ROBO2: variants seen among roughly 807,000 people sequenced by gnomAD.
ROBO2 encodes roundabout guidance receptor 2, also known as roundabout homolog 2.
A neutral mutation model predicts 160.8 loss-of-function variants in ROBO2; 53 were observed. The observed-to-expected ratio is 0.33, with a 90% CI of 0.26 to 0.41. ROBO2 has a LOEUF of 0.41. Among genes scored for constraint, ROBO2 ranks in the 10% least tolerant of loss-of-function variants. ROBO2 has a pLI of 1.00. For missense variants in ROBO2, 1,577 were observed against 1,722.4 expected, an observed-to-expected ratio of 0.92 and a Z score of 1.49; for synonymous variants, 664 against 611.7, an observed-to-expected ratio of 1.09 and a Z score of -1.26.
At chr3:76,434,530 G>A (rs927028514) in intron 2 of ROBO2, 73 of 1,575,040 alleles carry the variant, frequency 4.6e-5, no homozygotes, top group Non-Finnish European at 5.8e-5. Context: ...TGGATAAGAA[G>A]CATGTAGACT....
chr3:77,429,935 T>C (rs1407627025), intron 2 of ROBO2, among the ~76,000 whole-genome samples: 2 of 151,944 alleles, frequency 1.3e-5, no homozygotes, highest in Non-Finnish European at 2.9e-5. Flanking sequence ...AGCCTAAGAG[T>C]GGGAGCCCCT....
chr3:77,339,903 T>TTTTTTTTGTTG (rs1247033629), intron 2 of ROBO2, among the ~76,000 whole-genome samples: 8 of 152,144 alleles, frequency 5.3e-5, no homozygotes, highest in Non-Finnish European at 7.4e-5. Flanking sequence ...TTCTACCAGA[T>TTTTTTTTGTTG]AGCTACTTTT....
chr3:77,611,167 G>A (rs768028170), intron 21 of ROBO2, among the ~76,000 whole-genome samples: 8 of 152,000 alleles, frequency 5.3e-5, no homozygotes, highest in Admixed American at 2.0e-4. Flanking sequence ...GCGAGGTGGC[G>A]GCCGCCTGTA....
rs144113609 is a variant in ROBO2 at position 76,136,766 on chromosome 3, C to G, written c.109+199164C>G. Among the ~76,000 whole-genome samples, 4 of 151,986 alleles carry G rather than the reference C, an allele frequency of 2.6e-5. No individual in the cohort carries two copies. The East Asian group carries it at 7.7e-4, about 29-fold the overall frequency. ...GAGGTTGTAAAAACAACAGCTAAAT[C>G]AAAGAATGAATTTAGTGTCAAAATA... is the stretch of plus-strand genomic sequence containing the variant. On this transcript the variant is annotated intron_variant, in intron 2 of 26. Coordinates refer to the ROBO2 transcript ENST00000487694.
chr3:77,600,394 T>A (rs2094406702), intron 19 of ROBO2, among the ~76,000 whole-genome samples: 1 of 152,240 alleles, frequency 6.6e-6, no homozygotes, highest in African/African-American at 2.4e-5. Flanking sequence ...AGGCTGACTA[T>A]AATTTTATCT....
intron 2 of ROBO2, among the ~76,000 whole-genome samples, chr3:76,013,181 T>A (rs2066258674): frequency 6.9e-6 from 1 of 144,594 alleles, no homozygotes; most frequent in South Asian, 2.2e-4. Context: ...ATGCGTGTAA[T>A]CCCAGAAGTA....
intron 2 of ROBO2, among the ~76,000 whole-genome samples, chr3:76,188,298 G>A (rs1225004118): frequency 1.3e-5 from 2 of 151,988 alleles, no homozygotes; most frequent in Non-Finnish European, 2.9e-5. Flanking sequence ...ATGACTTAGG[G>A]CTTTTTAAGA....
chr3:77,303,820 C>A (rs899351918), intron 2 of ROBO2, among the ~76,000 whole-genome samples: 1 of 151,674 alleles, frequency 6.6e-6, no homozygotes, highest in Non-Finnish European at 1.5e-5. Flanking sequence ...TATATATATG[C>A]AAGTGCTAGG....
chr3:75,911,909 G>T (rs551115768), intron 1 of ROBO2, among the ~76,000 whole-genome samples: 1 of 152,250 alleles, frequency 6.6e-6, no homozygotes, highest in South Asian at 2.1e-4. Context: ...TATGAAGAGT[G>T]GTTGTTAGTA....
chr3:76,212,670 G>A (rs1034108283), intron 2 of ROBO2, among the ~76,000 whole-genome samples: 3 of 151,990 alleles, frequency 2.0e-5, no homozygotes, highest in African/African-American at 7.2e-5. Flanking sequence ...TTATCCATTT[G>A]ATAATTAATT....
At chr3:77,200,474 A>T (rs926458321) in intron 2 of ROBO2, among the ~76,000 whole-genome samples, 2 of 151,552 alleles carry the variant, frequency 1.3e-5, no homozygotes, top group Non-Finnish European at 2.9e-5. Flanking sequence ...CAAAAATTAA[A>T]TGGGTATCAC....
At chr3:76,965,785 G>GTGTGTATATATA (rs1424338840) in intron 2 of ROBO2, among the ~76,000 whole-genome samples, 2 of 129,222 alleles carry the variant, frequency 1.5e-5, no homozygotes, top group African/African-American at 6.2e-5. Context: ...TTGTGTTTGT[G>GTGTGTATATATA]TATATATATA....
At chr3:77,311,257 C>A (rs1029077861) in intron 2 of ROBO2, among the ~76,000 whole-genome samples, 15 of 152,238 alleles carry the variant, frequency 9.9e-5, no homozygotes, top group African/African-American at 3.6e-4. Flanking sequence ...CTACATACAT[C>A]AGGTATTTCC....
At chr3:77,477,837 T>TA (rs1560949015) in intron 3 of ROBO2, among the ~76,000 whole-genome samples, 2 of 140,412 alleles carry the variant, frequency 1.4e-5, no homozygotes, top group East Asian at 4.1e-4. Context: ...GCTCTTTTTT[T>TA]TTTTTTTTTT....
chr3:76,246,291 C>T (rs762903195), intron 2 of ROBO2, among the ~76,000 whole-genome samples: 4 of 152,066 alleles, frequency 2.6e-5, no homozygotes, highest in South Asian at 2.1e-4. Context: ...GATTTCAGTG[C>T]TTTTCAAGTG....
At chr3:76,397,614 A>C (rs1425490915) in intron 2 of ROBO2, among the ~76,000 whole-genome samples, 2 of 151,654 alleles carry the variant, frequency 1.3e-5, no homozygotes, top group Admixed American at 1.3e-4. Context: ...CAATGAACTC[A>C]AACAAATTTA....
intron 2 of ROBO2, among the ~76,000 whole-genome samples, chr3:76,332,897 AAC>A (rs1352325431): frequency 2.0e-5 from 3 of 152,222 alleles, no homozygotes; most frequent in South Asian, 2.1e-4. Context: ...TTTGTTATAT[AAC>A]ACAACAATTT....
At chr3:76,953,216 G>T (rs564174709) in intron 2 of ROBO2, among the ~76,000 whole-genome samples, 1 of 152,056 alleles carries the variant, frequency 6.6e-6, no homozygotes, top group Non-Finnish European at 1.5e-5. Context: ...CTTGAAGGTC[G>T]CACACACAAA....
At chr3:77,317,473 A>G (rs1264787993) in intron 2 of ROBO2, 10 of 1,530,122 alleles carry the variant, frequency 6.5e-6, no homozygotes, top group Non-Finnish European at 8.9e-6. Flanking sequence ...GTGTTGGCTG[A>G]GCCTGAGCTT....
Sources: allele counts gnomAD v4.1 joint callset (sites outside exome capture counted in the v4.1 genomes callset), GRCh38; gene constraint gnomAD v4.1.1; transcripts MANE v1.5; gene names NCBI Gene and HGNC (gene_info 2026-07-23, HGNC 2026-07-21).